The following ACTR3C variants were observed in gnomAD, a reference collection of about 807,000 sequenced individuals.
ACTR3C encodes the protein actin-related protein 3C.
In ACTR3C, 18 loss-of-function variants were observed where a neutral mutation model predicts 26.3. That is an observed-to-expected ratio of 0.68 (90% CI 0.47 to 1.01). ACTR3C has a LOEUF of 1.01. Ranked by LOEUF, ACTR3C falls within the 50% of genes least tolerant of loss-of-function variation. The probability of loss-of-function intolerance (pLI) is 0.00; values close to 1 mark genes in which losing one functional copy is unlikely to be tolerated. For synonymous variants in ACTR3C, 55 were observed against 94.5 expected (o/e 0.58, Z 2.42); for missense variants, 184 against 250.7 (o/e 0.73, Z 1.80).
the ACTR3C span, among the ~76,000 whole-genome samples, chr7:149,903,903 G>GGTT: frequency 3.8e-3 from 190 of 49,612 alleles, 7 homozygotes; most frequent in African/African-American, 0.011. Context: ...TGTTGTTGCT[G>GGTT]GTTGTTGTTG....
At chr7:150,133,772 C>A in the ACTR3C span, among the ~76,000 whole-genome samples, 1 of 152,066 alleles carries the variant, frequency 6.6e-6, no homozygotes, top group African/African-American at 2.4e-5. Context: ...GGGTCTTGCC[C>A]TGTCACTCAG....
the ACTR3C span, among the ~76,000 whole-genome samples, chr7:150,123,970 C>T: frequency 1.3e-5 from 2 of 152,142 alleles, no homozygotes; most frequent in African/African-American, 4.8e-5. Context: ...GCCCCGATGT[C>T]CCTTCCATCT....
At chr7:150,194,299 TC>T in the ACTR3C span, among the ~76,000 whole-genome samples, 2 of 147,054 alleles carry the variant, frequency 1.4e-5, no homozygotes, top group African/African-American at 4.9e-5. Flanking sequence ...AAAAGTCTTT[TC>T]TTTTCTATGA....
the ACTR3C span, among the ~76,000 whole-genome samples, chr7:150,034,974 G>C: frequency 3.5e-5 from 5 of 141,480 alleles, no homozygotes; most frequent in African/African-American, 1.3e-4. Flanking sequence ...CCCCACTCTC[G>C]TGGGGGGTGC....
At chr7:149,919,498 T>C in the ACTR3C span, among the ~76,000 whole-genome samples, 2 of 152,248 alleles carry the variant, frequency 1.3e-5, no homozygotes, top group African/African-American at 2.4e-5. Flanking sequence ...CCTCGGCCTC[T>C]CAAAGTGCTG....
the ACTR3C span, among the ~76,000 whole-genome samples, chr7:149,947,070 G>A: frequency 6.6e-6 from 1 of 151,692 alleles, no homozygotes; most frequent in Non-Finnish European, 1.5e-5. Flanking sequence ...ACGGTGGGGA[G>A]TGTCCACAAT....
the ACTR3C span, among the ~76,000 whole-genome samples, chr7:150,003,509 C>CATGT: frequency 6.6e-6 from 1 of 151,356 alleles, no homozygotes; most frequent in Non-Finnish European, 1.5e-5. Context: ...GTGTGGCATG[C>CATGT]GGTGTGGTAT....
the ACTR3C span, among the ~76,000 whole-genome samples, chr7:149,969,489 G>A: frequency 1.3e-5 from 2 of 152,042 alleles, no homozygotes; most frequent in African/African-American, 2.4e-5. Flanking sequence ...GTGCATGAGC[G>A]GAAGTCTTCT....
At chr7:150,014,385 G>A in the ACTR3C span, among the ~76,000 whole-genome samples, 1 of 147,064 alleles carries the variant, frequency 6.8e-6, no homozygotes, top group South Asian at 2.1e-4. Flanking sequence ...GAACCCGGAA[G>A]ACAGAGCTTG....
chr7:150,282,081 G>A (rs1471329092), intron 6 of ACTR3C, among the ~76,000 whole-genome samples: 1 of 143,384 alleles, frequency 7.0e-6, no homozygotes, highest in Non-Finnish European at 1.5e-5. Flanking sequence ...ACTTTGGAAA[G>A]AAGTCCCTTT....
the ACTR3C span, among the ~76,000 whole-genome samples, chr7:150,108,756 G>C: frequency 6.6e-6 from 1 of 150,658 alleles, no homozygotes; most frequent in Admixed American, 6.6e-5. Context: ...CCAGGACTGA[G>C]AGAAAACAAA....
At chr7:150,081,309 GAGAAAAGAGAAA>G in the ACTR3C span, among the ~76,000 whole-genome samples, 1 of 150,930 alleles carries the variant, frequency 6.6e-6, no homozygotes, top group African/African-American at 2.5e-5. Context: ...AAAGAGAAGA[GAGAAAAGAGAAA>G]AGAAAAGAAA....
chr7:150,120,898 C>T, the ACTR3C span, among the ~76,000 whole-genome samples: 13 of 152,230 alleles, frequency 8.5e-5, no homozygotes, highest in African/African-American at 1.7e-4. Context: ...ATGATCAACT[C>T]GGCTTCAACT....
At chr7:150,155,987 T>C in the ACTR3C span, among the ~76,000 whole-genome samples, 3 of 152,096 alleles carry the variant, frequency 2.0e-5, no homozygotes, top group Non-Finnish European at 4.4e-5. Flanking sequence ...AAGAGGACAT[T>C]GATCAGAATG....
At chr7:150,038,743 T>TGGGG in the ACTR3C span, among the ~76,000 whole-genome samples, 1 of 141,862 alleles carries the variant, frequency 7.0e-6, no homozygotes, top group East Asian at 2.0e-4. Context: ...GGAGCAACGA[T>TGGGG]GGGGGGGTCC....
At chr7:150,179,520 T>C in the ACTR3C span, among the ~76,000 whole-genome samples, 9 of 149,692 alleles carry the variant, frequency 6.0e-5, 1 homozygote, top group African/African-American at 2.0e-4. Flanking sequence ...ATTTTTATTG[T>C]TTTAGAGACA....
At chr7:150,128,543 T>C in the ACTR3C span, among the ~76,000 whole-genome samples, 34,726 of 149,012 alleles carry the variant, frequency 0.23, 3,238 homozygotes, top group African/African-American at 0.25. Flanking sequence ...TAATGTGTGA[T>C]GGAGAAACAT....
At chr7:150,052,336 C>T in the ACTR3C span, among the ~76,000 whole-genome samples, 1 of 152,186 alleles carries the variant, frequency 6.6e-6, no homozygotes, top group African/African-American at 2.4e-5. Flanking sequence ...CTTTTACACA[C>T]CTTCAAACAG....
the ACTR3C span, among the ~76,000 whole-genome samples, chr7:150,040,363 G>C: frequency 7.4e-5 from 11 of 148,004 alleles, 1 homozygote; most frequent in African/African-American, 2.6e-4. Flanking sequence ...TTGTCAGATC[G>C]GGTAGCCCCA....
Sources: allele counts gnomAD v4.1 joint callset (sites outside exome capture counted in the v4.1 genomes callset), GRCh38; gene constraint gnomAD v4.1.1; transcripts MANE v1.5; gene names NCBI Gene and HGNC (gene_info 2026-07-23, HGNC 2026-07-21).